The following NOL4 variants were observed in gnomAD, a reference collection of about 807,000 sequenced individuals.
The protein encoded by NOL4 is cancer/testis antigen 125.
NOL4 carries 17 observed loss-of-function variants against 75.9 expected under a neutral mutation model. That is an observed-to-expected ratio of 0.22 (90% CI 0.15 to 0.34). The LOEUF (loss-of-function observed/expected upper bound fraction) is 0.34, where lower values mean the gene tolerates loss of function less well. Among genes scored for constraint, NOL4 ranks in the 10% least tolerant of loss-of-function variants. NOL4 has a pLI of 1.00. For missense variants in NOL4, 614 were observed against 793.5 expected (o/e 0.77, Z 2.72); for synonymous variants, 292 against 289.9 (o/e 1.01, Z -0.07).
intron 10 of NOL4, among the ~76,000 whole-genome samples, chr18:33,855,656 A>G (rs2062804609): frequency 6.6e-6 from 1 of 152,124 alleles, no homozygotes; most frequent in Non-Finnish European, 1.5e-5. Context: ...TTCTGAAAAT[A>G]TAAGAGACAA....
intron 5 of NOL4, among the ~76,000 whole-genome samples, chr18:34,068,391 T>G (rs1287326329): frequency 6.6e-6 from 1 of 152,054 alleles, no homozygotes. Flanking sequence ...TTTTAAAATT[T>G]TTTAATTTTT....
intron 6 of NOL4, among the ~76,000 whole-genome samples, chr18:34,005,670 G>A (rs746593404): frequency 1.3e-5 from 2 of 151,976 alleles, no homozygotes; most frequent in Non-Finnish European, 2.9e-5. Context: ...ACCATTCAAC[G>A]TAGTGCTGAG....
chr18:34,207,455 G>T (rs928001405), intron 1 of NOL4, among the ~76,000 whole-genome samples: 1 of 151,884 alleles, frequency 6.6e-6, no homozygotes, highest in Non-Finnish European at 1.5e-5. Context: ...TGTTTCTTTG[G>T]TTCTACCTTG....
chr18:33,925,589 G>A lies in NOL4; in HGVS notation c.1542+17476C>T, dbSNP rs115004244. Among the ~76,000 whole-genome samples the A allele has an allele frequency of 8.4e-3, 1,278 of 152,232 alleles. 7 individuals carry two copies. Among genetic ancestry groups the A allele is most frequent in the African/African-American group, 0.029 (1,225 of 41,556 alleles). On this transcript the variant is annotated intron_variant, in intron 9 of 10. Coordinates refer to ENST00000261592, the MANE Select transcript of NOL4 (RefSeq NM_003787.5). Reference sequence around the variant, plus strand: ...AAACTAATGTGACTTTCTGAGTTCTGCAACCAACGTAGTATTCAAATTCTT... The same window carrying A: ...AAACTAATGTGACTTTCTGAGTTCTACAACCAACGTAGTATTCAAATTCTT...
chr18:34,102,217 C>T (rs1372050157), intron 4 of NOL4, among the ~76,000 whole-genome samples: 2 of 151,890 alleles, frequency 1.3e-5, no homozygotes, highest in Non-Finnish European at 2.9e-5. Context: ...CCATTATTTT[C>T]TTTATTATAT....
chr18:33,929,938 A>G (rs1270776164), intron 9 of NOL4, among the ~76,000 whole-genome samples: 1 of 152,152 alleles, frequency 6.6e-6, no homozygotes, highest in Non-Finnish European at 1.5e-5. Context: ...GAATTCATTC[A>G]TATTTAAAAT....
At chr18:33,909,733 G>A (rs1170748512) in intron 9 of NOL4, among the ~76,000 whole-genome samples, 1 of 152,028 alleles carries the variant, frequency 6.6e-6, no homozygotes, top group African/African-American at 2.4e-5. Flanking sequence ...GGTCATCTGG[G>A]TGCTGGGAAT....
At chr18:34,083,423 G>T (rs1329305354) in intron 5 of NOL4, among the ~76,000 whole-genome samples, 2 of 152,116 alleles carry the variant, frequency 1.3e-5, no homozygotes, top group African/African-American at 4.8e-5. Flanking sequence ...AAAAATGGGG[G>T]TGTCTCCATT....
chr18:34,082,011 C>T lies in NOL4; in HGVS notation c.772+11454G>A, dbSNP rs186522379. ...AATGCAGAAACAAAGAGGATACATGCATGATAATAGGAAGTTACAGGAAAA... is the reference window on the plus strand; with the variant it reads ...AATGCAGAAACAAAGAGGATACATGTATGATAATAGGAAGTTACAGGAAAA... On this transcript the variant is annotated intron_variant, in intron 5 of 10. Transcript: ENST00000261592. 2.0e-5 allele frequency among the ~76,000 whole-genome samples: 3 copies of T among 152,066 alleles called. No homozygotes were observed. In the East Asian group the frequency reaches 5.8e-4, roughly 29 times the overall value.
chr18:33,931,555 A>T (rs1029342401), intron 9 of NOL4, among the ~76,000 whole-genome samples: 12 of 151,926 alleles, frequency 7.9e-5, no homozygotes, highest in Non-Finnish European at 1.2e-4. Flanking sequence ...ACACAGCAAG[A>T]TCCTGTCTCT....
intron 9 of NOL4, among the ~76,000 whole-genome samples, chr18:33,921,811 C>T (rs1051449686): frequency 3.3e-5 from 5 of 152,214 alleles, no homozygotes; most frequent in Non-Finnish European, 7.3e-5. Context: ...GTAATGTCCA[C>T]TGTAGTGAAC....
intron 7 of NOL4, 23 bp from the exon 8 acceptor site, chr18:33,957,540 G>A: frequency 2.5e-6 from 4 of 1,597,468 alleles, no homozygotes; most frequent in Non-Finnish European, 3.4e-6. Flanking sequence ...GGGAGACAGA[G>A]GAGAAGGGTT....
chr18:34,184,212 T>C (rs1292197705), intron 1 of NOL4, among the ~76,000 whole-genome samples: 1 of 151,860 alleles, frequency 6.6e-6, no homozygotes, highest in African/African-American at 2.4e-5. Flanking sequence ...GGCTCAGTGC[T>C]AATTCTGAGT....
chr18:34,189,181 A>G (rs537953416), intron 1 of NOL4, among the ~76,000 whole-genome samples: 1 of 152,294 alleles, frequency 6.6e-6, no homozygotes, highest in Admixed American at 6.5e-5. Context: ...GCATCATAAC[A>G]TGGCACAAAA....
intron 6 of NOL4, among the ~76,000 whole-genome samples, chr18:33,985,878 G>A (rs1183362924): frequency 6.6e-6 from 1 of 152,038 alleles, no homozygotes; most frequent in Non-Finnish European, 1.5e-5. Flanking sequence ...CTTGAGCCGA[G>A]AGTAATCAAA....
intron 2 of NOL4, among the ~76,000 whole-genome samples, chr18:34,109,253 G>A (rs1348663926): frequency 6.6e-6 from 1 of 152,104 alleles, no homozygotes; most frequent in African/African-American, 2.4e-5. Flanking sequence ...GCTCATGCCT[G>A]TAATCCCAGC....
chr18:33,911,129 T>C (rs1276783254), intron 9 of NOL4, among the ~76,000 whole-genome samples: 1 of 152,086 alleles, frequency 6.6e-6, no homozygotes, highest in African/African-American at 2.4e-5. Flanking sequence ...ATTCTTTATA[T>C]GTGCTCCTCC....
At chr18:33,864,642 C>T (rs560470318) in intron 10 of NOL4, among the ~76,000 whole-genome samples, 80 of 152,270 alleles carry the variant, frequency 5.3e-4, no homozygotes, top group Middle Eastern at 3.4e-3. Flanking sequence ...TTACCCAGTT[C>T]GAAAGTTGCT....
intron 2 of NOL4, among the ~76,000 whole-genome samples, chr18:34,114,266 A>G (rs934619518): frequency 2.6e-5 from 4 of 152,192 alleles, no homozygotes; most frequent in African/African-American, 9.7e-5. Flanking sequence ...ATGTATTCTT[A>G]AAAATATTTT....
Sources: allele counts gnomAD v4.1 joint callset (sites outside exome capture counted in the v4.1 genomes callset), GRCh38; gene constraint gnomAD v4.1.1; transcripts MANE v1.5; gene names NCBI Gene and HGNC (gene_info 2026-07-23, HGNC 2026-07-21).